Variants in RABEP2 observed in about 807,000 individuals in gnomAD.
RABEP2 encodes rab GTPase-binding effector protein 2.
RABEP2 carries 57 observed loss-of-function variants against 74.1 expected under a neutral mutation model. The observed-to-expected ratio is 0.77, with a 90% confidence interval of 0.62 to 0.96. RABEP2 has a LOEUF of 0.96. RABEP2 is among the 40% of genes least tolerant of loss of function. The pLI, the probability that RABEP2 is intolerant of heterozygous loss-of-function variation, is 0.00. For synonymous variants in RABEP2, 351 were observed against 344.0 expected (o/e 1.02, Z -0.23); for missense variants, 692 against 756.3 (o/e 0.91, Z 1.00).
chr16:28,922,312 C>T (rs189048363), intron 2 of RABEP2, among the ~76,000 whole-genome samples: 2 of 152,316 alleles, frequency 1.3e-5, no homozygotes, highest in Admixed American at 1.3e-4. Context: ...CTGGGCCGGG[C>T]GTGCTGGCTC....
chr16:28,909,984 G>T (rs371265094), intron 7 of RABEP2, among the ~76,000 whole-genome samples: 2 of 145,290 alleles, frequency 1.4e-5, no homozygotes, highest in Non-Finnish European at 3.0e-5. Flanking sequence ...AGCCGAGATC[G>T]TGCCACTGCA....
chr16:28,908,406 T>C (rs1235028102), intron 8 of RABEP2, among the ~76,000 whole-genome samples: 1 of 152,254 alleles, frequency 6.6e-6, no homozygotes, highest in Non-Finnish European at 1.5e-5. Context: ...AGCATTCTGT[T>C]AATTCATTTT....
intron 1 of RABEP2, 194 bp from the exon 2 acceptor site, chr16:28,924,809 CT>C (rs1220624153): frequency 3.9e-5 from 28 of 709,770 alleles, no homozygotes; most frequent in Non-Finnish European, 2.5e-6. Context: ...CACTCCATCT[CT>C]TCGCGGTGGC....
In RABEP2 at chr16:28,905,263, C is replaced by T. The variant is rs2152217242; in HGVS notation, c.1608+134G>A. 2 of 712,636 alleles carry T rather than the reference C, an allele frequency of 2.8e-6. 1 individual carries two copies. The highest frequency in any genetic ancestry group is 3.6e-5 in the South Asian group (2 of 55,044). 44.1% of individuals were successfully genotyped at this position (712,636 alleles called of 1,614,324 possible). ...GAGAGTTTCAGGGTTTTTTGAGTAA[C>T]AGCTCAGGACAGGACCATGCCAGCC... is the stretch of plus-strand genomic sequence containing the variant. On this transcript the variant is annotated intron_variant, in intron 12 of 12. Coordinates refer to ENST00000358201, the MANE Select transcript of RABEP2 (RefSeq NM_024816.3).
At position 28,906,046 on chromosome 16, in the gene RABEP2, G is replaced by C. The variant is rs559738470; in HGVS notation, c.1396C>G (p.Gln466Glu). 2.0e-4 allele frequency: 313 copies of C among 1,603,106 alleles called. 7 individuals carry two copies. In the South Asian group the frequency reaches 3.3e-3, roughly 17 times the overall value. Residue 466 changes from glutamine to glutamate, a missense_variant, in exon 9 of 13, where the codon CAG becomes GAG. By Grantham distance (29) the Gln-to-Glu change is conservative. Transcript: ENST00000358201. ...GTCTCCTCCCGCTGCACCCTCAGCT[G>C]CCCCTCCAGGCTGGCCCTGGCCACT... Reference protein sequence around the residue: ...ETVARASLEGQLRVQREETEV... With the variant: ...ETVARASLEGELRVQREETEV...
At chr16:28,924,327 T>A in intron 2 of RABEP2, 76 bp downstream of exon 2, 1 of 1,412,822 alleles carries the variant, frequency 7.1e-7, no homozygotes, top group Non-Finnish European at 9.8e-7. Context: ...AGCTTATCTG[T>A]GCCCCCAATC....
chr16:28,916,929 C>T (rs575568655), intron 3 of RABEP2, among the ~76,000 whole-genome samples: 130 of 145,480 alleles, frequency 8.9e-4, no homozygotes, highest in Non-Finnish European at 1.6e-3. Flanking sequence ...GCAGAGGTTG[C>T]AATGAGCTGA....
chr16:28,914,262 T>G lies in RABEP2; in HGVS notation c.868A>C (p.Thr290Pro). Residue 290 changes from threonine to proline, a missense_variant, in exon 5 of 13, where the codon ACT becomes CCT. Coordinates refer to ENST00000358201, the MANE Select transcript of RABEP2 (RefSeq NM_024816.3). ...TCTGTCTGCAGCTGCTCCCACTGAGTGTCTGGGACGAGCTGGTAGCCAGGA... is the reference window on the plus strand; with the variant it reads ...TCTGTCTGCAGCTGCTCCCACTGAGGGTCTGGGACGAGCTGGTAGCCAGGA... Reference protein sequence around the residue: ...PPPGYQLVPDTQWEQLQTEGR... With the variant: ...PPPGYQLVPDPQWEQLQTEGR... The G allele has an allele frequency of 1.2e-6, 2 of 1,608,664 alleles. No homozygotes were observed. The highest frequency in any genetic ancestry group is 1.7e-6 in the Non-Finnish European group (2 of 1,178,270).
At chr16:28,911,033 G>A (rs1964304741) in intron 6 of RABEP2, 47 bp from the exon 7 acceptor site, 1 of 1,610,152 alleles carries the variant, frequency 6.2e-7, no homozygotes, top group Non-Finnish European at 8.5e-7. Flanking sequence ...ATGTCAGGGG[G>A]CGGCAGGTAG....
Position 28,925,186 on chromosome 16 carries a change from T to C in RABEP2, c.-23A>G. 2 of 1,524,552 alleles carry C rather than the reference T, an allele frequency of 1.3e-6. No homozygotes were observed. The highest frequency in any genetic ancestry group is 1.2e-5 in the South Asian group (1 of 83,138). 94.4% of individuals were successfully genotyped at this position (1,524,552 alleles called of 1,614,324 possible). A position where few individuals can be genotyped will look rare whatever the true frequency, so the allele number is the denominator to read the frequency against. On this transcript the variant is annotated 5_prime_UTR_variant, in exon 1 of 13. Coordinates refer to ENST00000358201, the MANE Select transcript of RABEP2 (RefSeq NM_024816.3). ...CATTGCCTCAGCGCAAACGGCGGAT[T>C]CCCGCACTCCCTGGTGACGGAGCGC...
Position 28,905,442 on chromosome 16 carries a change from A to G in RABEP2, c.1563T>C (p.Ser521=), listed in dbSNP as rs1198215536. 1.2e-6 allele frequency: 2 copies of G among 1,607,762 alleles called. No individual in the cohort carries two copies. The highest frequency in any genetic ancestry group is 1.7e-6 in the Non-Finnish European group (2 of 1,178,064). ...GCACGAAATCCCTCTGCACCTGCTCACTGGTCTCCAGCTCTGCCTGCAGCC... is the reference window on the plus strand; with the variant it reads ...GCACGAAATCCCTCTGCACCTGCTCGCTGGTCTCCAGCTCTGCCTGCAGCC... ...VLRLQAELET[S]EQVQRDFVRL... The change falls in exon 12 of 13, where the codon AGT becomes AGC. Residue 521 remains serine, a synonymous_variant. Coordinates refer to ENST00000358201, the MANE Select transcript of RABEP2 (RefSeq NM_024816.3).
chr16:28,909,046 A>C (rs1018501936), intron 7 of RABEP2, among the ~76,000 whole-genome samples: 1 of 150,974 alleles, frequency 6.6e-6, no homozygotes, highest in African/African-American at 2.4e-5. Flanking sequence ...CACACACACA[A>C]ATATTTAAAT....
At chr16:28,910,508 C>T (rs1304321145) in intron 7 of RABEP2, 1 of 163,966 alleles carries the variant, frequency 6.1e-6, no homozygotes, top group Non-Finnish European at 1.3e-5. Context: ...CTCCTGACCT[C>T]AGGTGATCCA....
At chr16:28,924,361 G>T in intron 2 of RABEP2, 42 bp downstream of exon 2, 1 of 1,553,076 alleles carries the variant, frequency 6.4e-7, no homozygotes, top group Non-Finnish European at 8.8e-7. Flanking sequence ...GCACTCCCCA[G>T]TATGGGGTTG....
At chr16:28,912,233 C>A (rs1463291101) in intron 5 of RABEP2, among the ~76,000 whole-genome samples, 2 of 150,092 alleles carry the variant, frequency 1.3e-5, no homozygotes, top group South Asian at 2.1e-4. Flanking sequence ...GGTGACACAG[C>A]GAGACTCCAT....
rs141025145 is a variant in RABEP2, at chr16:28,920,575, G to A, written c.275-632C>T. ...TAATTTTTCTATTTTTAGTAGAGACGGGGTTTTGCCATGCTGGCCAGGCTG... is the reference window on the plus strand; with the variant it reads ...TAATTTTTCTATTTTTAGTAGAGACAGGGTTTTGCCATGCTGGCCAGGCTG... On this transcript the variant is annotated intron_variant, in intron 2 of 12. Coordinates refer to ENST00000358201, the MANE Select transcript of RABEP2 (RefSeq NM_024816.3). Among the ~76,000 whole-genome samples the A allele has an allele frequency of 5.1e-3, 779 of 151,974 alleles. 2 individuals carry two copies. The highest frequency in any genetic ancestry group is 0.011 in the Admixed American group (161 of 15,250).
At chr16:28,914,840 G>C (rs979211706) in intron 3 of RABEP2, 58 bp from the exon 4 acceptor site, 9 of 1,485,480 alleles carry the variant, frequency 6.1e-6, no homozygotes, top group African/African-American at 1.4e-5. Flanking sequence ...GAAGCCCCGG[G>C]TCTGTTCAGA....
At chr16:28,916,892 G>A (rs1473308664) in intron 3 of RABEP2, among the ~76,000 whole-genome samples, 1 of 150,752 alleles carries the variant, frequency 6.6e-6, no homozygotes. Flanking sequence ...GTTGAGGAAG[G>A]AGAATTGCTT....
At chr16:28,910,599 T>C in intron 7 of RABEP2, 1 of 336,144 alleles carries the variant, frequency 3.0e-6, no homozygotes, top group South Asian at 4.9e-5. Flanking sequence ...TCCTCATGAC[T>C]CTGCAAACTA....
Sources: gnomAD v4.1 joint callset for allele counts (sites outside exome capture counted in the v4.1 genomes callset) on GRCh38, gnomAD v4.1.1 for gene constraint, MANE v1.5 for transcripts, NCBI Gene and HGNC (gene_info 2026-07-23, HGNC 2026-07-21) for gene names.